Variants in PEBP4 observed in about 807,000 individuals in gnomAD.
The protein encoded by PEBP4 is phosphatidylethanolamine-binding protein 4.
Under a neutral mutation model 23.9 loss-of-function variants are expected in PEBP4, and 22 were observed. The ratio of observed to expected loss-of-function variants is 0.92; its 90% CI spans 0.66 to 1.31. PEBP4 has a LOEUF of 1.31. PEBP4 is among the 40% of genes most tolerant of loss of function. The probability of loss-of-function intolerance (pLI) is 0.00; values close to 1 mark genes in which losing one functional copy is unlikely to be tolerated. For missense variants in PEBP4, 324 were observed against 281.7 expected (o/e 1.15, Z -1.07); for synonymous variants, 112 against 99.3 (o/e 1.13, Z -0.76).
chr8:22,931,003 G>T (rs1208674714), upstream of PEBP4, among the ~76,000 whole-genome samples: 4 of 152,012 alleles, frequency 2.6e-5, no homozygotes, highest in African/African-American at 9.7e-5. Flanking sequence ...CAGCTACTGG[G>T]ATCTGTTGGA....
At chr8:22,838,584 G>A (rs1313245613) in intron 3 of PEBP4, among the ~76,000 whole-genome samples, 1 of 152,260 alleles carries the variant, frequency 6.6e-6, no homozygotes, top group African/African-American at 2.4e-5. Flanking sequence ...AGAAAGCACT[G>A]GTGGGGTTGG....
At chr8:22,849,775 T>C (rs1238050744) in intron 3 of PEBP4, among the ~76,000 whole-genome samples, 1 of 152,236 alleles carries the variant, frequency 6.6e-6, no homozygotes, top group Non-Finnish European at 1.5e-5. Context: ...GTTAAAGATG[T>C]CAAAATCTGA....
intron 6 of PEBP4, among the ~76,000 whole-genome samples, chr8:22,713,751 C>T (rs1383851779): frequency 1.1e-4 from 16 of 152,214 alleles, no homozygotes. Flanking sequence ...GCTGCCTGCT[C>T]CCCAGAGGGC....
In PEBP4 at chr8:22,775,009, C is replaced by T. The variant is rs771031582; in HGVS notation, c.357+42628G>A. Among the ~76,000 whole-genome samples the T allele has an allele frequency of 1.3e-5, 2 of 152,180 alleles. No homozygotes were observed. The highest frequency in any genetic ancestry group is 4.8e-5 in the African/African-American group (2 of 41,434). On this transcript the variant is annotated intron_variant, in intron 4 of 6. Transcript: ENST00000256404. This position sits in a 1 kb window ranked among gnomAD's most constrained non-coding sequence, Gnocchi z 4.8. ...GGGTGACACCATCCTGGAGAGATGC[C>T]ACAGGCCAAGGGGCAAAGTGGTATC...
intron 1 of PEBP4, among the ~76,000 whole-genome samples, chr8:22,936,949 G>A (rs7012193): frequency 0.13 from 19,818 of 152,068 alleles, 1,400 homozygotes; most frequent in Non-Finnish European, 0.16. Context: ...AAGCTTCCTC[G>A]ATATGATAAA....
At chr8:22,882,183 C>T (rs1808273025) in intron 3 of PEBP4, among the ~76,000 whole-genome samples, 2 of 152,222 alleles carry the variant, frequency 1.3e-5, no homozygotes, top group Non-Finnish European at 2.9e-5. Context: ...GGGATCCATC[C>T]TATCACTTTT....
At position 22,746,977 on chromosome 8, in the gene PEBP4, C is replaced by A. The variant is rs996211086; in HGVS notation, c.358-19757G>T. ...AGCAGCTGGGACTATGGGCATGTACCACCACACCCAGCTAATTTTTATAAT... is the reference window on the plus strand; with the variant it reads ...AGCAGCTGGGACTATGGGCATGTACAACCACACCCAGCTAATTTTTATAAT... On this transcript the variant is annotated intron_variant, in intron 4 of 6. Coordinates refer to ENST00000256404, the MANE Select transcript of PEBP4 (RefSeq NM_144962.3). Among the ~76,000 whole-genome samples the A allele has an allele frequency of 2.6e-5, 4 of 152,230 alleles. No individual in the cohort carries two copies. In the South Asian group the frequency reaches 8.3e-4, roughly 32 times the overall value.
At chr8:22,846,930 G>T (rs1161701888) in intron 3 of PEBP4, among the ~76,000 whole-genome samples, 1 of 152,144 alleles carries the variant, frequency 6.6e-6, no homozygotes, top group Non-Finnish European at 1.5e-5. Flanking sequence ...GATAGGCCCA[G>T]GTGGGAGGAT....
chr8:22,918,291 C>G (rs1228798258), intron 3 of PEBP4, among the ~76,000 whole-genome samples: 1 of 152,178 alleles, frequency 6.6e-6, no homozygotes, highest in Non-Finnish European at 1.5e-5. Flanking sequence ...TCGATCAAAT[C>G]TTCCTTTGTA....
chr8:22,739,663 C>T (rs546157424), intron 4 of PEBP4, among the ~76,000 whole-genome samples: 4 of 152,042 alleles, frequency 2.6e-5, no homozygotes, highest in Non-Finnish European at 5.9e-5. Context: ...CTGACTGATG[C>T]CCCCCTCCCC....
chr8:22,887,690 AG>A (rs1190111775), intron 3 of PEBP4: 1 of 152,168 alleles, frequency 6.6e-6, no homozygotes, highest in Admixed American at 6.5e-5. Flanking sequence ...GCTTGAGCCC[AG>A]GAAGTCGAGG....
At chr8:22,898,407 A>C (rs71217519) in intron 3 of PEBP4, among the ~76,000 whole-genome samples, 20,884 of 138,850 alleles carry the variant, frequency 0.15, 2,541 homozygotes, top group Middle Eastern at 0.24. Flanking sequence ...AAAAAAAAAA[A>C]AAAAAAAAAA....
intron 3 of PEBP4, among the ~76,000 whole-genome samples, chr8:22,825,010 A>G (rs1806937873): frequency 6.6e-6 from 1 of 152,220 alleles, no homozygotes; most frequent in Non-Finnish European, 1.5e-5. Flanking sequence ...GGTTTACCCT[A>G]GATCTCCTCT....
chr8:22,731,706 T>C (rs1488199855), intron 4 of PEBP4, among the ~76,000 whole-genome samples: 1 of 151,968 alleles, frequency 6.6e-6, no homozygotes, highest in Non-Finnish European at 1.5e-5. Context: ...TCGCCCAGGC[T>C]GGAGTGCAGT....
At chr8:22,728,559 T>TTCCTTCCTTCCTTC (rs1804667047) in intron 4 of PEBP4, among the ~76,000 whole-genome samples, 209 of 96,322 alleles carry the variant, frequency 2.2e-3, no homozygotes, top group African/African-American at 7.1e-3. Context: ...TTTCTTTCTT[T>TTCCTTCCTTCCTTC]CTTCCTTCCT....
At chr8:22,857,744 A>C (rs923783129) in intron 3 of PEBP4, among the ~76,000 whole-genome samples, 4 of 152,170 alleles carry the variant, frequency 2.6e-5, no homozygotes, top group South Asian at 2.1e-4. Flanking sequence ...TCGAATACTG[A>C]AGCATTCCTC....
intron 3 of PEBP4, among the ~76,000 whole-genome samples, chr8:22,907,140 A>G (rs1485659892): frequency 1.3e-5 from 2 of 152,172 alleles, no homozygotes; most frequent in African/African-American, 4.8e-5. Context: ...CAAAGGCCCT[A>G]TAAAGCATGC....
intron 2 of PEBP4, 97 bp downstream of exon 2, chr8:22,927,487 A>G: frequency 2.1e-6 from 3 of 1,411,078 alleles, no homozygotes; most frequent in Non-Finnish European, 1.9e-6. Flanking sequence ...AATCAGGCTC[A>G]GGAGATGGTG....
At chr8:22,780,152 A>G (rs1364850603) in intron 4 of PEBP4, among the ~76,000 whole-genome samples, 3 of 151,992 alleles carry the variant, frequency 2.0e-5, no homozygotes, top group African/African-American at 7.3e-5. Context: ...TTTTGTAGAG[A>G]TAGTGTTCAC....
Sources: allele counts gnomAD v4.1 joint callset (sites outside exome capture counted in the v4.1 genomes callset), GRCh38; gene constraint gnomAD v4.1.1; non-coding constraint Gnocchi (gnomAD v3.1); transcripts MANE v1.5; gene names NCBI Gene and HGNC (gene_info 2026-07-23, HGNC 2026-07-21).